ASTN2: variants seen among roughly 807,000 people sequenced by gnomAD.
ASTN2 encodes astrotactin 2, also known as astrotactin-2.
ASTN2 carries 54 observed loss-of-function variants against 139.8 expected under a neutral mutation model. That is an observed-to-expected ratio of 0.39 (90% CI 0.31 to 0.48). The LOEUF is 0.48. Among genes scored for constraint, ASTN2 ranks in the 20% least tolerant of loss-of-function variants. The pLI is 0.95. For synonymous variants in ASTN2, 756 were observed against 719.5 expected, an observed-to-expected ratio of 1.05 and a Z score of -0.81; for missense variants, 1,565 against 1,725.1, an observed-to-expected ratio of 0.91 and a Z score of 1.64.
intron 6 of ASTN2, among the ~76,000 whole-genome samples, chr9:117,009,656 C>A (rs1305202419): frequency 6.6e-6 from 1 of 152,186 alleles, no homozygotes; most frequent in Non-Finnish European, 1.5e-5. Context: ...CATGACTCAG[C>A]TTCTCTCCTT....
intron 16 of ASTN2, among the ~76,000 whole-genome samples, chr9:116,667,297 G>T (rs1275185802): frequency 1.3e-5 from 2 of 151,994 alleles, no homozygotes; most frequent in Non-Finnish European, 1.5e-5. Context: ...AGATATTTTT[G>T]AAGCAGTTAA....
intron 20 of ASTN2, among the ~76,000 whole-genome samples, chr9:116,446,600 C>A (rs970984308): frequency 1.3e-5 from 2 of 152,194 alleles, no homozygotes; most frequent in African/African-American, 4.8e-5. Context: ...TGATCGAGGT[C>A]CAAGTCTACT....
chr9:116,814,504 A>G (rs1336370619), intron 12 of ASTN2, among the ~76,000 whole-genome samples: 1 of 152,174 alleles, frequency 6.6e-6, no homozygotes, highest in Non-Finnish European at 1.5e-5. Flanking sequence ...TAAGACCCCT[A>G]ATAATGGTAA....
At chr9:117,132,472 G>A (rs531730369) in intron 4 of ASTN2, among the ~76,000 whole-genome samples, 9 of 152,278 alleles carry the variant, frequency 5.9e-5, no homozygotes, top group African/African-American at 1.4e-4. Context: ...GGATCTGGTC[G>A]TGAGCCTTCC....
At chr9:117,379,269 G>T (rs1242012310) in intron 1 of ASTN2, among the ~76,000 whole-genome samples, 1 of 152,154 alleles carries the variant, frequency 6.6e-6, no homozygotes, top group Admixed American at 6.5e-5. Context: ...AGAGCCGGGC[G>T]TAGGCAGCGA....
chr9:117,136,668 A>G (rs1829958673), intron 4 of ASTN2, among the ~76,000 whole-genome samples: 1 of 152,192 alleles, frequency 6.6e-6, no homozygotes, highest in Non-Finnish European at 1.5e-5. Context: ...TGCTGCAGGA[A>G]TCTGGATGAG....
chr9:116,510,387 G>A (rs1327453590), intron 19 of ASTN2, among the ~76,000 whole-genome samples: 2 of 152,108 alleles, frequency 1.3e-5, no homozygotes, highest in Non-Finnish European at 2.9e-5. Flanking sequence ...CAAGTACCAT[G>A]CTGTTTTGGT....
At position 116,838,351 on chromosome 9, in the gene ASTN2, C is replaced by A. The variant is rs112795808; in HGVS notation, c.2041-17568G>T. ...TCTCGAATTCCTGACCTCAGGTGAT[C>A]CGCCCGCCTCAGCACTCCCAAAGTA... On this transcript the variant is annotated intron_variant, in intron 11 of 22. Coordinates refer to ENST00000313400, the MANE Select transcript of ASTN2 (RefSeq NM_001365068.1). Among the ~76,000 whole-genome samples, 1,259 of 151,948 alleles carry A rather than the reference C, an allele frequency of 8.3e-3. 6 individuals are homozygous for A. Among genetic ancestry groups the A allele is most frequent in the Non-Finnish European group, 0.012 (825 of 67,924 alleles).
Position 116,728,847 on chromosome 9 carries a change from C to T in ASTN2, c.2626+145G>A, listed in dbSNP as rs1828701452. ...GTCAGACTCCTGTCCACCCACCCTC[C>T]CTAGGACTCCTTGATGGCAGAGAGG... is the stretch of plus-strand genomic sequence containing the variant. On this transcript the variant is annotated intron_variant, in intron 15 of 22. Coordinates refer to ENST00000313400, the MANE Select transcript of ASTN2 (RefSeq NM_001365068.1). The T allele has an allele frequency of 4.5e-6, 3 of 672,892 alleles. No homozygotes were observed. The South Asian group carries it at 5.5e-5, about 12-fold the overall frequency. 41.7% of individuals were successfully genotyped at this position (672,892 alleles called of 1,614,324 possible).
At chr9:117,009,017 G>T (rs1837438966) in intron 6 of ASTN2, among the ~76,000 whole-genome samples, 1 of 152,108 alleles carries the variant, frequency 6.6e-6, no homozygotes, top group Non-Finnish European at 1.5e-5. Context: ...GCCCTGATGT[G>T]GCAAAACAAT....
At chr9:117,320,375 A>G (rs1828289339) in intron 1 of ASTN2, among the ~76,000 whole-genome samples, 1 of 152,176 alleles carries the variant, frequency 6.6e-6, no homozygotes, top group South Asian at 2.1e-4. Flanking sequence ...AAGTTTGAAA[A>G]TCCTCAAACA....
intron 10 of ASTN2, among the ~76,000 whole-genome samples, chr9:116,917,909 T>C (rs1274896889): frequency 1.3e-5 from 2 of 152,152 alleles, no homozygotes; most frequent in Admixed American, 1.3e-4. Context: ...ACTTGAATTG[T>C]ATCTCCTAGA....
intron 1 of ASTN2, among the ~76,000 whole-genome samples, chr9:117,391,883 G>A (rs1305564734): frequency 6.6e-6 from 1 of 152,146 alleles, no homozygotes; most frequent in Non-Finnish European, 1.5e-5. Flanking sequence ...GGGAGAAATT[G>A]GCCAAAACAA....
intron 6 of ASTN2, among the ~76,000 whole-genome samples, chr9:117,020,476 C>T (rs922859988): frequency 2.6e-5 from 4 of 152,000 alleles, no homozygotes; most frequent in Admixed American, 2.0e-4. Context: ...TGCCTTTGTC[C>T]TCATATCCTG....
chr9:117,023,899 C>T (rs1307035391), intron 6 of ASTN2, among the ~76,000 whole-genome samples: 1 of 152,060 alleles, frequency 6.6e-6, no homozygotes, highest in Non-Finnish European at 1.5e-5. Context: ...ACTTGCTGTC[C>T]TCACACTGTG....
chr9:116,632,243 A>T, intron 17 of ASTN2, among the ~76,000 whole-genome samples: 1 of 145,462 alleles, frequency 6.9e-6, no homozygotes, highest in African/African-American at 2.6e-5. Context: ...GAAAGAAAGA[A>T]AGAAAGAAGG....
At chr9:116,936,264 C>A (rs1263834187) in intron 10 of ASTN2, among the ~76,000 whole-genome samples, 1 of 148,326 alleles carries the variant, frequency 6.7e-6, no homozygotes, top group African/African-American at 2.5e-5. Context: ...CCACCACCAC[C>A]ACTACCATCA....
intron 1 of ASTN2, among the ~76,000 whole-genome samples, chr9:117,310,746 C>T (rs777547308): frequency 4.6e-5 from 7 of 152,094 alleles, no homozygotes; most frequent in Non-Finnish European, 7.4e-5. Flanking sequence ...ATCCTCGCAC[C>T]TCAGCCACCT....
rs1374891386 is a variant in ASTN2 at position 117,415,004 on chromosome 9, A to G, written c.-66T>C. On this transcript the variant is annotated 5_prime_UTR_variant, in exon 1 of 23. Coordinates refer to ENST00000313400, the MANE Select transcript of ASTN2 (RefSeq NM_001365068.1). ...GCGGCGGTGGCGAAGGAGGAAGAGG[A>G]GGCAGCTGCGGAGACGGCGGACGCC... The G allele has an allele frequency of 5.1e-6, 1 of 195,866 alleles. No homozygotes were observed. Among genetic ancestry groups the G allele is most frequent in the Non-Finnish European group, 9.9e-6 (1 of 100,914 alleles). 12.1% of individuals were successfully genotyped at this position (195,866 alleles called of 1,614,324 possible).
Sources: gnomAD v4.1 joint callset for allele counts (sites outside exome capture counted in the v4.1 genomes callset) on GRCh38, gnomAD v4.1.1 for gene constraint, MANE v1.5 for transcripts, NCBI Gene and HGNC (gene_info 2026-07-23, HGNC 2026-07-21) for gene names.